Variants in CRTC3 observed in about 807,000 individuals in gnomAD.
CRTC3 encodes CREB-regulated transcription coactivator 3.
In CRTC3, 26 loss-of-function variants were observed where a neutral mutation model predicts 74.5. The ratio of observed to expected loss-of-function variants is 0.35; its 90% CI spans 0.26 to 0.48. CRTC3 has a LOEUF of 0.48. Ranked by LOEUF, CRTC3 falls within the 20% of genes least tolerant of loss-of-function variation. The pLI is 0.99. For synonymous variants in CRTC3, 377 were observed against 325.8 expected, an observed-to-expected ratio of 1.16 and a Z score of -1.69; for missense variants, 760 against 787.3, an observed-to-expected ratio of 0.97 and a Z score of 0.41.
Position 90,593,656 on chromosome 15 carries a change from T to C in CRTC3, c.252T>C (p.Asp84=), listed in dbSNP as rs760890318. The change falls in exon 3 of 15, where the codon GAT becomes GAC. Residue 84 remains aspartate, a synonymous_variant. Coordinates refer to ENST00000268184, the MANE Select transcript of CRTC3 (RefSeq NM_022769.5). ...SEFQPSFHQA[D]NVRGTRHHGL... ...TGCAGCCGTCATTTCACCAAGCTGA[T>C]AATGTTCGGGGAACCCGCCATCACG... 1.4e-5 allele frequency: 23 copies of C among 1,609,566 alleles called. No individual in the cohort carries two copies. Among genetic ancestry groups the C allele is most frequent in the Non-Finnish European group, 1.9e-5 (22 of 1,176,234 alleles).
intron 2 of CRTC3, among the ~76,000 whole-genome samples, chr15:90,575,282 C>T (rs532728231): frequency 1.3e-5 from 2 of 152,064 alleles, no homozygotes; most frequent in African/African-American, 4.8e-5. Context: ...ACCCGGGAGG[C>T]GGAGGTTGCA....
At chr15:90,563,787 G>A (rs1967063836) in intron 2 of CRTC3, among the ~76,000 whole-genome samples, 1 of 152,132 alleles carries the variant, frequency 6.6e-6, no homozygotes, top group South Asian at 2.1e-4. Context: ...TAGTCTGAAG[G>A]TTTTCAGCCA....
chr15:90,567,000 C>T (rs185643821), intron 2 of CRTC3, among the ~76,000 whole-genome samples: 8 of 152,148 alleles, frequency 5.3e-5, no homozygotes, highest in East Asian at 3.9e-4. Context: ...TGTGAGCCAC[C>T]GTGCCCAGCC....
chr15:90,552,870 A>G (rs1355280199), intron 2 of CRTC3, among the ~76,000 whole-genome samples: 1 of 152,186 alleles, frequency 6.6e-6, no homozygotes, highest in South Asian at 2.1e-4. Flanking sequence ...AGTTTGTGGC[A>G]TAGTTCTTTG....
At chr15:90,617,461 T>C (rs1030137665) in intron 7 of CRTC3, among the ~76,000 whole-genome samples, 4 of 152,242 alleles carry the variant, frequency 2.6e-5, no homozygotes, top group African/African-American at 9.6e-5. Flanking sequence ...ATTTTATTTG[T>C]TAAATCAGTT....
chr15:90,614,591 C>G, intron 7 of CRTC3, 103 bp downstream of exon 7: 1 of 804,942 alleles, frequency 1.2e-6, no homozygotes, highest in Non-Finnish European at 2.1e-6. Context: ...CAGGACTCCC[C>G]CAAATGCTGA....
At chr15:90,551,080 TG>T (rs1966855209) in intron 2 of CRTC3, among the ~76,000 whole-genome samples, 1 of 152,064 alleles carries the variant, frequency 6.6e-6, no homozygotes, top group African/African-American at 2.4e-5. Flanking sequence ...ATCTGGACAG[TG>T]TTGGGGTTAC....
intron 2 of CRTC3, among the ~76,000 whole-genome samples, chr15:90,551,677 C>T (rs950673281): frequency 2.6e-5 from 4 of 152,054 alleles, no homozygotes; most frequent in African/African-American, 7.2e-5. Context: ...CTTCCCTGCT[C>T]GTCTTTATCA....
At chr15:90,601,042 C>T (rs531585630) in intron 3 of CRTC3, among the ~76,000 whole-genome samples, 1 of 152,278 alleles carries the variant, frequency 6.6e-6, no homozygotes, top group African/African-American at 2.4e-5. Flanking sequence ...TGGATCACCG[C>T]AATTACTAAG....
rs1053147022 is a variant in CRTC3, at chr15:90,633,774, T to C, written c.1266+4242T>C. On this transcript the variant is annotated intron_variant, in intron 11 of 14. Transcript: ENST00000268184. ...TCCTCTATTATCCTTATCTTCTCTC[T>C]CTCCTCTTTTGCTTCTCTGTGGTTG... Among the ~76,000 whole-genome samples the C allele has an allele frequency of 3.9e-5, 6 of 152,122 alleles. No individual in the cohort carries two copies. The South Asian group carries it at 1.0e-3, about 26-fold the overall frequency.
rs191422017 is a variant in CRTC3, at chr15:90,544,364, C to T, written c.231+4227C>T. On this transcript the variant is annotated intron_variant, in intron 2 of 14. Coordinates refer to ENST00000268184, the MANE Select transcript of CRTC3 (RefSeq NM_022769.5). ...ATATGATCTCACCTTTGCTTGATTA[C>T]ATCTGCAAAGATTCTGTTTTCAAAT... Among the ~76,000 whole-genome samples, 10 of 152,336 alleles carry T rather than the reference C, an allele frequency of 6.6e-5. No homozygotes were observed. In the East Asian group the frequency reaches 1.9e-3, roughly 29 times the overall value.
chr15:90,583,679 C>G (rs1276745611), intron 2 of CRTC3, among the ~76,000 whole-genome samples: 2 of 152,226 alleles, frequency 1.3e-5, no homozygotes, highest in East Asian at 3.9e-4. Context: ...AGCTGGGAGC[C>G]TCACAGGAGT....
chr15:90,644,168 C>T lies in CRTC3; in HGVS notation c.*2028C>T, dbSNP rs1462614400. The T allele has an allele frequency of 4.4e-6, 1 of 228,022 alleles. No homozygotes were observed. The highest frequency in any genetic ancestry group is 8.7e-6 in the Non-Finnish European group (1 of 114,756). 14.1% of individuals were successfully genotyped at this position (228,022 alleles called of 1,614,324 possible). A position where few individuals can be genotyped will look rare whatever the true frequency, so the allele number is the denominator to read the frequency against. On this transcript the variant is annotated 3_prime_UTR_variant, in exon 15 of 15. Coordinates refer to ENST00000268184, the MANE Select transcript of CRTC3 (RefSeq NM_022769.5). Reference sequence around the variant, plus strand: ...AGCTCAGGAAGGGCCTGCTGGCCTGCCCTGTTCCCAGTTACACTTTCAGAT... The same window carrying T: ...AGCTCAGGAAGGGCCTGCTGGCCTGTCCTGTTCCCAGTTACACTTTCAGAT...
intron 2 of CRTC3, among the ~76,000 whole-genome samples, chr15:90,568,740 CGTT>C (rs1967184155): frequency 6.6e-6 from 1 of 152,132 alleles, no homozygotes; most frequent in African/African-American, 2.4e-5. Flanking sequence ...CAGCCAACTT[CGTT>C]GTTGTCATAT....
chr15:90,629,423 G>T lies in CRTC3; in HGVS notation c.1157G>T (p.Arg386Leu), dbSNP rs747217102. ...AACCTGAGCGGCCCGTCTCGGCGTCGGCAGCCTCCCGTCAGCCCTCTCACG... is the reference window on the plus strand; with the variant it reads ...AACCTGAGCGGCCCGTCTCGGCGTCTGCAGCCTCCCGTCAGCCCTCTCACG... ...TTNLSGPSRR[R>L]QPPVSPLTLS... Residue 386 changes from arginine (R) to leucine (L), a missense_variant, in exon 11 of 15, where the codon CGG becomes CTG. Arg to Leu is a moderately radical substitution (Grantham distance 102). Transcript: ENST00000268184. 1.2e-6 allele frequency: 2 copies of T among 1,613,706 alleles called. No homozygotes were observed. Among genetic ancestry groups the T allele is most frequent in the Admixed American group, 3.3e-5 (2 of 59,956 alleles).
intron 2 of CRTC3, among the ~76,000 whole-genome samples, chr15:90,578,211 C>T (rs1320281510): frequency 6.6e-6 from 1 of 152,144 alleles, no homozygotes; most frequent in African/African-American, 2.4e-5. Flanking sequence ...GCCACCGCAC[C>T]TGGCCAAATG....
intron 9 of CRTC3, among the ~76,000 whole-genome samples, chr15:90,621,482 C>T (rs1320648288): frequency 1.3e-5 from 2 of 152,148 alleles, no homozygotes; most frequent in Admixed American, 1.3e-4. Flanking sequence ...ACCACCATAC[C>T]TGGCTAATTT....
intron 6 of CRTC3, among the ~76,000 whole-genome samples, chr15:90,613,260 G>T (rs1968410229): frequency 6.6e-6 from 1 of 151,978 alleles, no homozygotes; most frequent in Non-Finnish European, 1.5e-5. Context: ...ATCTTTGAGG[G>T]TTGGGCCCAA....
chr15:90,628,980 G>C (rs1968937746), intron 10 of CRTC3, among the ~76,000 whole-genome samples: 1 of 152,108 alleles, frequency 6.6e-6, no homozygotes, highest in African/African-American at 2.4e-5. Flanking sequence ...TGCTCACCTA[G>C]GGGTTGTTGA....
Sources: gnomAD v4.1 joint callset for allele counts (sites outside exome capture counted in the v4.1 genomes callset) on GRCh38, gnomAD v4.1.1 for gene constraint, MANE v1.5 for transcripts, NCBI Gene and HGNC (gene_info 2026-07-23, HGNC 2026-07-21) for gene names.